Variants in DZIP3 observed in about 807,000 individuals in gnomAD.
DZIP3 encodes E3 ubiquitin-protein ligase DZIP3.
Under a neutral mutation model 162.0 loss-of-function variants are expected in DZIP3, and 118 were observed. That is an observed-to-expected ratio of 0.73 (90% CI 0.63 to 0.85). DZIP3 has a LOEUF of 0.85. DZIP3 is among the 40% of genes least tolerant of loss of function. DZIP3 has a pLI of 0.00. For missense variants in DZIP3, 1,331 were observed against 1,407.0 expected (o/e 0.95, Z 0.86); for synonymous variants, 438 against 458.6 (o/e 0.96, Z 0.57).
chr3:108,603,992 G>A (rs1396577364), intron 1 of DZIP3, among the ~76,000 whole-genome samples: 1 of 152,010 alleles, frequency 6.6e-6, no homozygotes, highest in Non-Finnish European at 1.5e-5. Context: ...TTTTTGGTGG[G>A]GGAGGGGCAG....
Position 108,605,282 on chromosome 3 carries a change from G to A in DZIP3, c.-72-53G>A, listed in dbSNP as rs971565481. 41 of 1,240,116 alleles carry A rather than the reference G, an allele frequency of 3.3e-5. No individual in the cohort carries two copies. The African/African-American group carries it at 6.0e-4, about 18-fold the overall frequency. The allele number at this position is 1,240,116 out of a possible 1,614,324, so 76.8% of individuals were successfully genotyped here. ...ATGATCACGTTCTGTTTTCATAGTG[G>A]GGAGAAAGAGTGTAACTTTCCTATC... On this transcript the variant is annotated intron_variant, in intron 1 of 32. Coordinates refer to ENST00000361582, the MANE Select transcript of DZIP3 (RefSeq NM_014648.4).
chr3:108,631,041 A>ACTCTCT (rs1941817406), intron 8 of DZIP3, among the ~76,000 whole-genome samples: 3 of 92,966 alleles, frequency 3.2e-5, no homozygotes, highest in African/African-American at 4.9e-5. Flanking sequence ...ACACACACAC[A>ACTCTCT]CACACACACA....
At chr3:108,677,357 G>A (rs946768292) in intron 25 of DZIP3, 140 bp from the exon 26 acceptor site, 4 of 499,910 alleles carry the variant, frequency 8.0e-6, no homozygotes, top group Non-Finnish European at 3.5e-6. Context: ...TTTTTGGTCA[G>A]AACCTGTTTT....
chr3:108,669,541 T>A, intron 21 of DZIP3, 140 bp from the exon 22 acceptor site: 1 of 632,990 alleles, frequency 1.6e-6, no homozygotes, highest in South Asian at 2.3e-5. Context: ...GGTATAGGAG[T>A]TCAGTTGTAT....
At chr3:108,667,066 TC>T (rs1267636042) in intron 21 of DZIP3, among the ~76,000 whole-genome samples, 1 of 151,834 alleles carries the variant, frequency 6.6e-6, no homozygotes, top group Non-Finnish European at 1.5e-5. Flanking sequence ...ACACCTGTAG[TC>T]CCAGCTACTT....
chr3:108,677,706 A>G, intron 26 of DZIP3, 108 bp downstream of exon 26: 2 of 970,832 alleles, frequency 2.1e-6, no homozygotes, highest in Non-Finnish European at 3.3e-6. Flanking sequence ...AAAATGGAAT[A>G]GGCACATATT....
At chr3:108,612,296 T>A (rs1940755815) in intron 4 of DZIP3, among the ~76,000 whole-genome samples, 3 of 152,192 alleles carry the variant, frequency 2.0e-5, no homozygotes, top group Admixed American at 2.0e-4. Flanking sequence ...ACATTAATAC[T>A]ATTATGATTA....
chr3:108,621,884 G>T (rs1024124068), intron 5 of DZIP3, among the ~76,000 whole-genome samples: 1 of 152,008 alleles, frequency 6.6e-6, no homozygotes, highest in Non-Finnish European at 1.5e-5. Flanking sequence ...AATAAATAAC[G>T]AAAATATGGT....
At chr3:108,642,387 A>C in intron 12 of DZIP3, 51 bp from the exon 13 acceptor site, 1 of 1,433,758 alleles carries the variant, frequency 7.0e-7, no homozygotes, top group Non-Finnish European at 9.4e-7. Context: ...ATCTTGACTG[A>C]CTTTGGTATT....
At chr3:108,645,253 C>A (rs1340995857) in intron 14 of DZIP3, among the ~76,000 whole-genome samples, 5 of 152,074 alleles carry the variant, frequency 3.3e-5, no homozygotes, top group Non-Finnish European at 7.4e-5. Flanking sequence ...ACAGTTTTAT[C>A]ACTTTAAGTG....
At chr3:108,631,052 C>CACACACACACTCACACACACAT (rs1168781519) in intron 8 of DZIP3, among the ~76,000 whole-genome samples, 1 of 102,236 alleles carries the variant, frequency 9.8e-6, no homozygotes, top group Non-Finnish European at 2.1e-5. Context: ...CACACACACA[C>CACACACACACTCACACACACAT]ACACTCTCTC....
At chr3:108,685,389 GCT>G (rs1018554026) in intron 27 of DZIP3, among the ~76,000 whole-genome samples, 1 of 151,936 alleles carries the variant, frequency 6.6e-6, no homozygotes, top group Non-Finnish European at 1.5e-5. Flanking sequence ...CACTTCTTAG[GCT>G]CTGTACAAAT....
At chr3:108,635,859 C>T (rs922412168) in intron 10 of DZIP3, among the ~76,000 whole-genome samples, 3 of 151,504 alleles carry the variant, frequency 2.0e-5, no homozygotes, top group Non-Finnish European at 3.0e-5. Flanking sequence ...ACAGAAAACC[C>T]GTTTAAAGCA....
intron 2 of DZIP3, among the ~76,000 whole-genome samples, chr3:108,606,812 A>G (rs1409845313): frequency 1.3e-5 from 2 of 152,176 alleles, no homozygotes; most frequent in Admixed American, 1.3e-4. Context: ...AGCAGCCCAC[A>G]TGGCACTTTT....
At chr3:108,630,284 T>C (rs1941772736) in intron 8 of DZIP3, among the ~76,000 whole-genome samples, 1 of 152,120 alleles carries the variant, frequency 6.6e-6, no homozygotes, top group South Asian at 2.1e-4. Flanking sequence ...TTCAAAACTT[T>C]AAAAAACTTT....
chr3:108,592,791 C>A (rs1307337484), intron 1 of DZIP3, among the ~76,000 whole-genome samples: 2 of 149,440 alleles, frequency 1.3e-5, no homozygotes, highest in Non-Finnish European at 3.0e-5. Context: ...TTGTTCCATT[C>A]TTATTATGTT....
At chr3:108,635,097 CTT>C in intron 10 of DZIP3, 125 bp downstream of exon 10, 1 of 549,244 alleles carries the variant, frequency 1.8e-6, no homozygotes, top group South Asian at 2.9e-5. Flanking sequence ...TCCTTTTTTT[CTT>C]TTTCTTTTAC....
intron 11 of DZIP3, 24 bp from the exon 12 acceptor site, chr3:108,637,472 A>AT (rs745561787): frequency 1.4e-5 from 23 of 1,604,808 alleles, no homozygotes; most frequent in South Asian, 5.6e-5. Flanking sequence ...CTTTAGGGCT[A>AT]TTTTTTTTCC....
chr3:108,625,891 T>C lies in DZIP3; in HGVS notation c.503T>C (p.Ile168Thr), dbSNP rs1242004597. The change falls in exon 7 of 33, where the codon ATC becomes ACC. Residue 168 changes from isoleucine to threonine, a missense_variant. Ile to Thr is a moderately conservative substitution (Grantham distance 89). Around this residue, in one of 2 missense-constraint regions of DZIP3, gnomAD observed 1,278 missense variants for 1,317.1 expected, o/e 0.97. Coordinates refer to ENST00000361582, the MANE Select transcript of DZIP3 (RefSeq NM_014648.4). ...ENKFLVMKMM[I>T]QENEICENFM... ...AAATTTCTGGTGATGAAGATGATGATCCAAGAAAATGAAATTTGTGAAAAC... is the reference window on the plus strand; with the variant it reads ...AAATTTCTGGTGATGAAGATGATGACCCAAGAAAATGAAATTTGTGAAAAC... 2.5e-6 allele frequency: 4 copies of C among 1,613,286 alleles called. No individual in the cohort carries two copies. Among genetic ancestry groups the C allele is most frequent in the Non-Finnish European group, 3.4e-6 (4 of 1,179,634 alleles).
Sources: allele counts gnomAD v4.1 joint callset (sites outside exome capture counted in the v4.1 genomes callset), GRCh38; gene constraint gnomAD v4.1.1; regional missense constraint gnomAD v4.1.1; transcripts MANE v1.5; gene names NCBI Gene and HGNC (gene_info 2026-07-23, HGNC 2026-07-21).